MAP1LC3B: variants seen among roughly 807,000 people sequenced by gnomAD.
The protein encoded by MAP1LC3B is microtubule associated protein 1 light chain 3 beta.
MAP1LC3B carries 12 observed loss-of-function variants against 16.7 expected under a neutral mutation model. That is an observed-to-expected ratio of 0.72 (90% confidence interval 0.46 to 1.16). MAP1LC3B has a LOEUF of 1.16. Ranked by LOEUF, MAP1LC3B falls within the 50% of genes most tolerant of loss-of-function variation. The pLI, the probability that MAP1LC3B is intolerant of heterozygous loss-of-function variation, is 0.00. For missense variants in MAP1LC3B, 155 were observed against 159.5 expected, an observed-to-expected ratio of 0.97 and a Z score of 0.15; for synonymous variants, 63 against 56.5, an observed-to-expected ratio of 1.11 and a Z score of -0.51.
intron 2 of MAP1LC3B, among the ~76,000 whole-genome samples, chr16:87,400,561 C>T (rs930999164): frequency 6.2e-4 from 94 of 152,130 alleles, no homozygotes; most frequent in Admixed American, 1.2e-3. Context: ...AAAACTTTGT[C>T]TCTAGAACCA....
At chr16:87,396,754 G>A (rs970803128) in intron 1 of MAP1LC3B, 1 of 152,164 alleles carries the variant, frequency 6.6e-6, no homozygotes, top group African/African-American at 2.4e-5. Context: ...CTGGGAAGTA[G>A]AGAAGGAGTC....
Position 87,404,058 on chromosome 16 carries a change from G to T in MAP1LC3B, c.*961G>T, listed in dbSNP as rs1202895768. The T allele has an allele frequency of 6.6e-6, 1 of 152,178 alleles. No individual in the cohort carries two copies. Among genetic ancestry groups the T allele is most frequent in the African/African-American group, 2.4e-5 (1 of 41,436 alleles). The allele number at this position is 152,178 out of a possible 1,614,324, so 9.4% of individuals were successfully genotyped here. A position where few individuals can be genotyped will look rare whatever the true frequency, so the allele number is the denominator to read the frequency against. On this transcript the variant is annotated 3_prime_UTR_variant, in exon 4 of 4. Transcript: ENST00000268607. Reference sequence around the variant, plus strand: ...TTTTTAATGTTAAATGTGTAACTCAGTATTACTGAAAAGGTACCCACATTT... The same window carrying T: ...TTTTTAATGTTAAATGTGTAACTCATTATTACTGAAAAGGTACCCACATTT...
At position 87,404,150 on chromosome 16, in the gene MAP1LC3B, T is replaced by C. The variant is rs1386420972; in HGVS notation, c.*1053T>C. The stretch of plus-strand genomic sequence containing the variant: ...TTCTCCCACACCAAGTGCATGTCAG[T>C]TGTGGAGAAAACATAGCAAAAAGAG... On this transcript the variant is annotated 3_prime_UTR_variant, in exon 4 of 4. Coordinates refer to ENST00000268607, the MANE Select transcript of MAP1LC3B (RefSeq NM_022818.5). 2.6e-5 allele frequency: 4 copies of C among 152,170 alleles called. No individual in the cohort carries two copies. Among genetic ancestry groups the C allele is most frequent in the African/African-American group, 9.6e-5 (4 of 41,454 alleles). 9.4% of individuals were successfully genotyped at this position (152,170 alleles called of 1,614,324 possible). A position where few individuals can be genotyped will look rare whatever the true frequency, so the allele number is the denominator to read the frequency against.
intron 2 of MAP1LC3B, chr16:87,399,571 C>A: frequency 2.2e-6 from 1 of 447,800 alleles, no homozygotes; most frequent in South Asian, 1.6e-5. Context: ...CCCATTCCTG[C>A]CACTCAACTT....
intron 2 of MAP1LC3B, among the ~76,000 whole-genome samples, chr16:87,401,953 C>T (rs1908008298): frequency 6.6e-6 from 1 of 152,146 alleles, no homozygotes; most frequent in Non-Finnish European, 1.5e-5. Flanking sequence ...CTGCCTCAGC[C>T]TCCTGAGTAG....
intron 1 of MAP1LC3B, chr16:87,393,446 T>C (rs1198600404): frequency 6.6e-6 from 1 of 152,224 alleles, no homozygotes; most frequent in Non-Finnish European, 1.5e-5. Flanking sequence ...TTGTCTGCTT[T>C]TGCCTAGTTT....
intron 1 of MAP1LC3B, 140 bp downstream of exon 1, chr16:87,392,607 G>T: frequency 1.3e-6 from 1 of 798,850 alleles, no homozygotes; most frequent in Non-Finnish European, 1.6e-6. Flanking sequence ...CGGCGGGGCC[G>T]AGGGATGCGG....
chr16:87,402,357 C>A, intron 3 of MAP1LC3B, 76 bp downstream of exon 3: 1 of 1,351,034 alleles, frequency 7.4e-7, no homozygotes, highest in Non-Finnish European at 1.0e-6. Flanking sequence ...ACAGTTAAAT[C>A]TTTAGTTCTG....
Position 87,403,048 on chromosome 16 carries a change from A to G in MAP1LC3B, c.329A>G (p.Tyr110Cys), listed in dbSNP as rs1276251647. 1 of 1,614,066 alleles carries G rather than the reference A, an allele frequency of 6.2e-7. No individual in the cohort carries two copies. The highest frequency in any genetic ancestry group is 2.2e-5 in the East Asian group (1 of 44,890). Reference sequence around the variant, plus strand: ...GAGAAAGATGAAGATGGATTCCTGTACATGGTCTATGCCTCCCAGGAGACG... The same window carrying G: ...GAGAAAGATGAAGATGGATTCCTGTGCATGGTCTATGCCTCCCAGGAGACG... ...ESEKDEDGFL[Y>C]MVYASQETFG... Residue 110 changes from tyrosine to cysteine, a missense_variant, in exon 4 of 4, where the codon TAC becomes TGC. By Grantham distance (194) the Tyr-to-Cys change is radical. Coordinates refer to ENST00000268607, the MANE Select transcript of MAP1LC3B (RefSeq NM_022818.5).
rs1198592237 is a variant in MAP1LC3B at position 87,403,064 on chromosome 16, C to T, written c.345C>T (p.Ser115=). 17 of 1,612,712 alleles carry T rather than the reference C, an allele frequency of 1.1e-5. No homozygotes were observed. In the African/African-American group the frequency reaches 2.3e-4, roughly 22 times the overall value. ...GATTCCTGTACATGGTCTATGCCTCCCAGGAGACGTTCGGGATGAAATTGT... is the reference window on the plus strand; with the variant it reads ...GATTCCTGTACATGGTCTATGCCTCTCAGGAGACGTTCGGGATGAAATTGT... The part of the protein sequence containing the change: ...EDGFLYMVYA[S]QETFGMKLSV The change falls in exon 4 of 4, where the codon TCC becomes TCT. Residue 115 remains serine (S), a synonymous_variant. Transcript: ENST00000268607.
intron 2 of MAP1LC3B, among the ~76,000 whole-genome samples, chr16:87,401,015 C>A (rs1277512913): frequency 1.3e-5 from 2 of 151,584 alleles, no homozygotes; most frequent in Non-Finnish European, 2.9e-5. Context: ...TGCCTGTAAT[C>A]CCAGCTACTC....
intron 2 of MAP1LC3B, chr16:87,400,292 C>G (rs957562679): frequency 6.6e-6 from 1 of 151,826 alleles, no homozygotes; most frequent in Non-Finnish European, 1.5e-5. Context: ...ATTCTCCTGC[C>G]TCAGCCTCCT....
Position 87,402,176 on chromosome 16 carries a change from T to C in MAP1LC3B, c.98T>C (p.Val33Ala), listed in dbSNP as rs145954536. 693 of 1,613,832 alleles carry C rather than the reference T, an allele frequency of 4.3e-4. No individual in the cohort carries two copies. The highest frequency in any genetic ancestry group is 5.6e-4 in the Non-Finnish European group (665 of 1,179,956). ...IREQHPTKIP[V>A]IIERYKGEKQ... ...AATCACTTCTGGCTTCTTTTCCAGG[T>C]GATAATAGAACGATACAAGGGTGAG... Residue 33 changes from valine (V) to alanine (A), a missense_variant and splice_region_variant, in exon 3 of 4, where the codon GTG (valine) becomes GCG (alanine). By Grantham distance (64) the Val-to-Ala change is moderately conservative. Transcript: ENST00000268607.
intron 1 of MAP1LC3B, among the ~76,000 whole-genome samples, chr16:87,396,018 G>A (rs1212872443): frequency 6.6e-6 from 1 of 151,186 alleles, no homozygotes; most frequent in Non-Finnish European, 1.5e-5. Flanking sequence ...CCGCCATCAC[G>A]CCCAGCTAAT....
At chr16:87,392,505 C>T (rs1266981140) in intron 1 of MAP1LC3B, 38 bp downstream of exon 1, 7 of 1,295,568 alleles carry the variant, frequency 5.4e-6, no homozygotes, top group African/African-American at 4.7e-5. Flanking sequence ...GCGGCGGGGC[C>T]GGGGTCCGAG....
rs748361733 is a variant in MAP1LC3B, at chr16:87,402,914, T to C, written c.204-9T>C. The C allele has an allele frequency of 1.2e-6, 2 of 1,613,614 alleles. No homozygotes were observed. Among genetic ancestry groups the C allele is most frequent in the African/African-American group, 2.7e-5 (2 of 74,926 alleles). On this transcript the variant is annotated splice_polypyrimidine_tract_variant and intron_variant, in intron 3 of 3. Transcript: ENST00000268607. ...GTCAATATTTCTTCACGTTGTTTTC[T>C]TTCAATAGAAGGCGCTTACAGCTCA...
intron 1 of MAP1LC3B, among the ~76,000 whole-genome samples, chr16:87,395,256 TG>T (rs1907757939): frequency 6.6e-6 from 1 of 152,218 alleles, no homozygotes; most frequent in African/African-American, 2.4e-5. Context: ...GAAAGGAATC[TG>T]GGGAAGCAGG....
intron 2 of MAP1LC3B, chr16:87,399,385 A>G (rs1907908501): frequency 6.8e-6 from 2 of 293,516 alleles, no homozygotes; most frequent in South Asian, 5.8e-5. Flanking sequence ...CTACACACTG[A>G]TATTTCCTTG....
At chr16:87,394,267 G>C (rs960373736) in intron 1 of MAP1LC3B, among the ~76,000 whole-genome samples, 4 of 96,052 alleles carry the variant, frequency 4.2e-5, no homozygotes, top group East Asian at 4.0e-4. Context: ...CCTTGCTTCT[G>C]ATTTTGGTAA....
Sources: gnomAD v4.1 joint callset for allele counts (sites outside exome capture counted in the v4.1 genomes callset) on GRCh38, gnomAD v4.1.1 for gene constraint, MANE v1.5 for transcripts, NCBI Gene and HGNC (gene_info 2026-07-23, HGNC 2026-07-21) for gene names.